RAI14: variants seen among roughly 807,000 people sequenced by gnomAD.
RAI14 encodes ankycorbin.
A neutral mutation model predicts 115.4 loss-of-function variants in RAI14; 45 were observed. The ratio of observed to expected loss-of-function variants is 0.39; its 90% CI spans 0.31 to 0.50. The LOEUF (loss-of-function observed/expected upper bound fraction) is 0.50. Ranked by LOEUF, RAI14 falls within the 20% of genes least tolerant of loss-of-function variation. RAI14 has a pLI of 0.85. For missense variants in RAI14, 939 were observed against 1,131.2 expected (o/e 0.83, Z 2.44); for synonymous variants, 371 against 415.4 (o/e 0.89, Z 1.30).
intron 2 of RAI14, chr5:34,688,119 A>T: frequency 6.6e-7 from 1 of 1,509,298 alleles, no homozygotes; most frequent in African/African-American, 1.4e-5. Flanking sequence ...AAAGACAGAA[A>T]ACTAGCTGTT....
At chr5:34,667,819 T>C (rs918843379) in intron 1 of RAI14, among the ~76,000 whole-genome samples, 9 of 152,204 alleles carry the variant, frequency 5.9e-5, no homozygotes, top group Non-Finnish European at 1.2e-4. Context: ...GGCCCTTGGC[T>C]GTGAGAACCG....
intron 1 of RAI14, among the ~76,000 whole-genome samples, chr5:34,665,992 A>G (rs561053637): frequency 6.6e-6 from 1 of 152,206 alleles, no homozygotes; most frequent in Non-Finnish European, 1.5e-5. Context: ...ATAAAATGCA[A>G]TTTATATGCA....
At chr5:34,778,659 T>C (rs1751206759) in intron 3 of RAI14, among the ~76,000 whole-genome samples, 2 of 151,844 alleles carry the variant, frequency 1.3e-5, no homozygotes, top group South Asian at 2.1e-4. Flanking sequence ...GGCTCACACC[T>C]GTAACCCCAG....
chr5:34,793,319 T>A (rs1220839068), intron 3 of RAI14, among the ~76,000 whole-genome samples: 2 of 152,088 alleles, frequency 1.3e-5, no homozygotes, highest in Non-Finnish European at 2.9e-5. Flanking sequence ...TGTACAGGAG[T>A]GGCCTACAAT....
intron 2 of RAI14, among the ~76,000 whole-genome samples, chr5:34,749,546 T>C (rs1746724305): frequency 6.6e-6 from 1 of 152,152 alleles, no homozygotes; most frequent in South Asian, 2.1e-4. Context: ...CCGGTTGACA[T>C]GATGTTTGCT....
At chr5:34,826,289 A>G in intron 15 of RAI14, 41 bp from the exon 16 acceptor site, 1 of 1,577,804 alleles carries the variant, frequency 6.3e-7, no homozygotes, top group African/African-American at 1.4e-5. Context: ...TGCTTTGTAG[A>G]CATGTTACTG....
rs140193560 is a variant in RAI14, at chr5:34,696,101, T to C, written c.36+9146T>C. On this transcript the variant is annotated intron_variant, in intron 2 of 17. Transcript: ENST00000265109. Reference sequence around the variant, plus strand: ...TCCCAAAGTTCTAGGATTACGGGAGTGAGCCACCACACCCATCTAGCATTT... The same window carrying C: ...TCCCAAAGTTCTAGGATTACGGGAGCGAGCCACCACACCCATCTAGCATTT... 1.8e-3 allele frequency among the ~76,000 whole-genome samples: 276 copies of C among 152,188 alleles called. 4 individuals are homozygous for C. In the East Asian group the frequency reaches 0.039, roughly 21 times the overall value.
chr5:34,776,326 T>G (rs762554234), intron 3 of RAI14, among the ~76,000 whole-genome samples: 8 of 152,142 alleles, frequency 5.3e-5, no homozygotes, highest in Admixed American at 1.3e-4. Flanking sequence ...TAGATATTAA[T>G]AGAATAAATA....
intron 1 of RAI14, among the ~76,000 whole-genome samples, chr5:34,666,299 C>T (rs896222853): frequency 1.3e-5 from 2 of 152,086 alleles, no homozygotes; most frequent in African/African-American, 4.8e-5. Context: ...TCCCGGCCCC[C>T]CGACAGTACT....
intron 2 of RAI14, among the ~76,000 whole-genome samples, chr5:34,700,432 A>C (rs1739923398): frequency 6.6e-6 from 1 of 152,174 alleles, no homozygotes. Flanking sequence ...TTTAGGTGGC[A>C]AGTGGCAGTC....
At chr5:34,705,280 T>C (rs780883454) in intron 2 of RAI14, among the ~76,000 whole-genome samples, 7 of 152,196 alleles carry the variant, frequency 4.6e-5, no homozygotes, top group Non-Finnish European at 8.8e-5. Context: ...GTACAGTAAG[T>C]TTACAGGATT....
chr5:34,720,667 C>T (rs1024846649), intron 2 of RAI14, among the ~76,000 whole-genome samples: 5 of 152,018 alleles, frequency 3.3e-5, no homozygotes, highest in African/African-American at 1.2e-4. Context: ...ACCTCGGCCT[C>T]CCAAAGTGCT....
chr5:34,778,602 C>A (rs1306597039), intron 3 of RAI14, among the ~76,000 whole-genome samples: 1 of 151,984 alleles, frequency 6.6e-6, no homozygotes, highest in Non-Finnish European at 1.5e-5. Context: ...CTCCACAGCT[C>A]CACTGCATTC....
intron 2 of RAI14, among the ~76,000 whole-genome samples, chr5:34,707,276 G>C (rs1740815359): frequency 6.6e-6 from 1 of 152,184 alleles, no homozygotes; most frequent in South Asian, 2.1e-4. Flanking sequence ...AGACTAGCCT[G>C]GCCAACATGG....
chr5:34,774,082 G>A (rs1750529993), intron 3 of RAI14, among the ~76,000 whole-genome samples: 1 of 152,136 alleles, frequency 6.6e-6, no homozygotes, highest in South Asian at 2.1e-4. Context: ...CCTGGGCGCA[G>A]TGGCCCACAT....
intron 1 of RAI14, among the ~76,000 whole-genome samples, chr5:34,679,271 G>A (rs749345604): frequency 1.3e-5 from 2 of 152,194 alleles, no homozygotes; most frequent in Admixed American, 6.5e-5. Context: ...TGCACCATGG[G>A]CTAAAATGAC....
intron 2 of RAI14, among the ~76,000 whole-genome samples, chr5:34,705,478 A>G (rs1361884605): frequency 3.3e-5 from 5 of 152,132 alleles, no homozygotes; most frequent in Non-Finnish European, 7.3e-5. Flanking sequence ...ATTATATTAT[A>G]TATCTCTTGG....
intron 2 of RAI14, among the ~76,000 whole-genome samples, chr5:34,707,182 C>T (rs972447742): frequency 2.0e-5 from 3 of 151,986 alleles, no homozygotes; most frequent in Non-Finnish European, 4.4e-5. Flanking sequence ...ATAAGATGCT[C>T]TTGGCTGGGC....
Position 34,757,548 on chromosome 5 carries a change from C to A in RAI14, c.117C>A (p.Leu39=). The change falls in exon 3 of 18, where the codon CTC becomes CTA. Residue 39 remains leucine (L), a synonymous_variant. Coordinates refer to ENST00000265109, the MANE Select transcript of RAI14 (RefSeq NM_015577.3). ...ATGCGGAGAAGGTGGCCTCACTGCTCGGCAAGAAGGGGGCCAGTGCCACCA... is the reference window on the plus strand; with the variant it reads ...ATGCGGAGAAGGTGGCCTCACTGCTAGGCAAGAAGGGGGCCAGTGCCACCA... ...NGDAEKVASL[L]GKKGASATKH... 6.2e-7 allele frequency: 1 copy of A among 1,613,858 alleles called. No individual in the cohort carries two copies. The highest frequency in any genetic ancestry group is 8.5e-7 in the Non-Finnish European group (1 of 1,179,976).
Sources: allele counts gnomAD v4.1 joint callset (sites outside exome capture counted in the v4.1 genomes callset), GRCh38; gene constraint gnomAD v4.1.1; transcripts MANE v1.5; gene names NCBI Gene and HGNC (gene_info 2026-07-23, HGNC 2026-07-21).